Variants in PHAF1 observed in about 807,000 individuals in gnomAD.
The protein encoded by PHAF1 is phagophore assembly factor 1, also known as phagosome assembly factor 1.
PHAF1 carries 23 observed loss-of-function variants against 63.1 expected under a neutral mutation model. The observed-to-expected ratio is 0.36, with a 90% CI of 0.26 to 0.52. The LOEUF (loss-of-function observed/expected upper bound fraction) is 0.52. PHAF1 is among the 20% of genes least tolerant of loss of function. The probability of loss-of-function intolerance (pLI) is 0.93; values close to 1 mark genes in which losing one functional copy is unlikely to be tolerated. For synonymous variants in PHAF1, 167 were observed against 185.0 expected, an observed-to-expected ratio of 0.90 and a Z score of 0.79; for missense variants, 427 against 517.2, an observed-to-expected ratio of 0.83 and a Z score of 1.69.
At chr16:67,114,959 TG>T (rs1423850981) in intron 1 of PHAF1, among the ~76,000 whole-genome samples, 1 of 152,310 alleles carries the variant, frequency 6.6e-6, no homozygotes, top group African/African-American at 2.4e-5. Context: ...TGCCTTTAGA[TG>T]TATACAGAAA....
At position 67,148,528 on chromosome 16, in the gene PHAF1, T is replaced by C. The variant is rs1329449949; in HGVS notation, c.*1397T>C. 1 of 152,206 alleles carries C rather than the reference T, an allele frequency of 6.6e-6. No individual in the cohort carries two copies. Among genetic ancestry groups the C allele is most frequent in the Non-Finnish European group, 1.5e-5 (1 of 68,018 alleles). The allele number at this position is 152,206 out of a possible 1,614,324, so 9.4% of individuals were successfully genotyped here. ...GGCCTGCCATGTGCTGTTGCTGGGA[T>C]GTTTGTATTAAGGTAAGTGTGGGTA... On this transcript the variant is annotated 3_prime_UTR_variant, in exon 16 of 16. Coordinates refer to ENST00000219139, the MANE Select transcript of PHAF1 (RefSeq NM_025187.5).
chr16:67,130,395 C>T (rs1963348347), intron 3 of PHAF1, among the ~76,000 whole-genome samples: 1 of 139,848 alleles, frequency 7.2e-6, no homozygotes, highest in African/African-American at 2.8e-5. Context: ...GTCACCCAGG[C>T]TGGAGTGCAG....
intron 12 of PHAF1, among the ~76,000 whole-genome samples, 193 bp downstream of exon 12, chr16:67,145,070 C>T (rs61023332): frequency 0.28 from 43,125 of 151,990 alleles, 11,695 homozygotes; most frequent in African/African-American, 0.72. Context: ...CTTGAGGCCT[C>T]TTCCTATGAC....
intron 6 of PHAF1, among the ~76,000 whole-genome samples, chr16:67,133,847 A>C (rs1597207761): frequency 6.6e-6 from 1 of 151,856 alleles, no homozygotes; most frequent in Admixed American, 6.6e-5. Flanking sequence ...CAGGAAGCTG[A>C]GGCAGGAGAA....
intron 9 of PHAF1, 146 bp from the exon 10 acceptor site, chr16:67,140,365 T>C (rs1453099803): frequency 2.0e-5 from 17 of 829,432 alleles, no homozygotes; most frequent in South Asian, 3.4e-5. Flanking sequence ...TCCTCCTAGA[T>C]TGGTCAGCAC....
At chr16:67,145,727 A>G (rs2030000336) in intron 14 of PHAF1, 99 bp downstream of exon 14, 4 of 1,316,804 alleles carry the variant, frequency 3.0e-6, no homozygotes, top group African/African-American at 3.0e-5. Flanking sequence ...TAAAAATTAC[A>G]GAAGTTTCTG....
At chr16:67,130,507 C>T (rs1028565338) in intron 3 of PHAF1, among the ~76,000 whole-genome samples, 6 of 152,048 alleles carry the variant, frequency 3.9e-5, no homozygotes, top group African/African-American at 1.4e-4. Context: ...TGCCACCACG[C>T]CCAGCTAATT....
At chr16:67,127,098 G>C (rs922255475) in intron 3 of PHAF1, among the ~76,000 whole-genome samples, 3 of 151,904 alleles carry the variant, frequency 2.0e-5, no homozygotes, top group Non-Finnish European at 4.4e-5. Context: ...TTGATCTCTT[G>C]ACCTCGTGAT....
chr16:67,122,056 C>A (rs1963001781), intron 2 of PHAF1, among the ~76,000 whole-genome samples: 1 of 151,604 alleles, frequency 6.6e-6, no homozygotes, highest in Non-Finnish European at 1.5e-5. Flanking sequence ...TGCCACCAGG[C>A]CTGGCTAATT....
rs2145864439 is a variant in PHAF1 at position 67,132,803 on chromosome 16, C to T, written c.356-14C>T. On this transcript the variant is annotated splice_polypyrimidine_tract_variant and intron_variant, in intron 5 of 15. Coordinates refer to ENST00000219139, the MANE Select transcript of PHAF1 (RefSeq NM_025187.5). ...AGTCAACCATGTTATTTTCTTCTCCCCCACCCCCAACAGTGTACAACTCCG... is the reference window on the plus strand; with the variant it reads ...AGTCAACCATGTTATTTTCTTCTCCTCCACCCCCAACAGTGTACAACTCCG... The T allele has an allele frequency of 1.3e-6, 2 of 1,595,508 alleles. No homozygotes were observed. Among genetic ancestry groups the T allele is most frequent in the Non-Finnish European group, 1.7e-6 (2 of 1,163,060 alleles).
intron 15 of PHAF1, 32 bp downstream of exon 15, chr16:67,146,382 CT>C: frequency 6.3e-7 from 1 of 1,598,588 alleles, no homozygotes; most frequent in African/African-American, 1.3e-5. Flanking sequence ...AATAAACTGC[CT>C]GGGGGGTTGC....
intron 15 of PHAF1, among the ~76,000 whole-genome samples, chr16:67,146,686 C>T (rs751095030): frequency 2.6e-5 from 4 of 152,148 alleles, no homozygotes; most frequent in Non-Finnish European, 5.9e-5. Flanking sequence ...GTGTTGGGGG[C>T]CCTCCAGTGG....
At chr16:67,130,246 A>ACCATCAT (rs944464007) in intron 3 of PHAF1, among the ~76,000 whole-genome samples, 4 of 149,342 alleles carry the variant, frequency 2.7e-5, no homozygotes, top group African/African-American at 1.0e-4. Context: ...ACACGGTTTC[A>ACCATCAT]CCGTGTTAGC....
intron 6 of PHAF1, 60 bp downstream of exon 6, chr16:67,132,971 G>A (rs1963464911): frequency 7.3e-7 from 1 of 1,360,916 alleles, no homozygotes; most frequent in Non-Finnish European, 1.0e-6. Context: ...CTCAGCAGAT[G>A]GTGTCATGGG....
In PHAF1 at chr16:67,134,336, A is replaced by G; in HGVS notation, c.549-19A>G. 2 of 1,609,008 alleles carry G rather than the reference A, an allele frequency of 1.2e-6. No individual in the cohort carries two copies. The highest frequency in any genetic ancestry group is 1.7e-6 in the Non-Finnish European group (2 of 1,175,294). Reference sequence around the variant, plus strand: ...GGGAGAAAGAACCAAGCCTCTGCTCATTCTGTGTCTGTCCCCAGGGCTCCC... The same window carrying G: ...GGGAGAAAGAACCAAGCCTCTGCTCGTTCTGTGTCTGTCCCCAGGGCTCCC... On this transcript the variant is annotated intron_variant, in intron 7 of 15. Coordinates refer to ENST00000219139, the MANE Select transcript of PHAF1 (RefSeq NM_025187.5).
chr16:67,132,355 G>A, intron 4 of PHAF1, 91 bp from the exon 5 acceptor site: 1 of 1,145,376 alleles, frequency 8.7e-7, no homozygotes, highest in Non-Finnish European at 1.3e-6. Context: ...ACCTGCCTGT[G>A]TCTTAAAAAT....
chr16:67,136,913 T>C (rs1283414199), intron 8 of PHAF1, among the ~76,000 whole-genome samples: 1 of 152,008 alleles, frequency 6.6e-6, no homozygotes, highest in Non-Finnish European at 1.5e-5. Flanking sequence ...TCCCAGCACT[T>C]TGGGAGGCCG....
chr16:67,134,403 G>A lies in PHAF1; in HGVS notation c.597G>A (p.Glu199=). 1 of 1,614,180 alleles carries A rather than the reference G, an allele frequency of 6.2e-7. No homozygotes were observed. The highest frequency in any genetic ancestry group is 1.1e-5 in the South Asian group (1 of 91,086). The change falls in exon 8 of 16, where the codon GAG becomes GAA. Residue 199 remains glutamate (E), a synonymous_variant. Coordinates refer to ENST00000219139, the MANE Select transcript of PHAF1 (RefSeq NM_025187.5). The part of the protein sequence containing the change: ...LSCFLGNVYA[E]SVDVLRDGTG... ...GTTTCCTGGGCAATGTCTATGCTGA[G>A]AGTGTAGATGTTCTTCGAGATGGAA...
intron 3 of PHAF1, among the ~76,000 whole-genome samples, chr16:67,129,994 C>T (rs1425618358): frequency 2.6e-5 from 4 of 152,296 alleles, no homozygotes; most frequent in African/African-American, 7.2e-5. Flanking sequence ...ATAGACCTCC[C>T]CCTCCATCTT....
Sources: gnomAD v4.1 joint callset for allele counts (sites outside exome capture counted in the v4.1 genomes callset) on GRCh38, gnomAD v4.1.1 for gene constraint, MANE v1.5 for transcripts, NCBI Gene and HGNC (gene_info 2026-07-23, HGNC 2026-07-21) for gene names.